Variants in PIP5K1C observed in about 807,000 individuals in gnomAD.
The protein encoded by PIP5K1C is phosphatidylinositol 4-phosphate 5-kinase type-1 gamma.
In PIP5K1C, 45 loss-of-function variants were observed where a neutral mutation model predicts 80.1. The observed-to-expected ratio is 0.56, with a 90% CI of 0.44 to 0.72. PIP5K1C has a LOEUF of 0.72. PIP5K1C is among the 30% of genes least tolerant of loss of function. PIP5K1C has a pLI of 0.00. For synonymous variants in PIP5K1C, 498 were observed against 420.1 expected, an observed-to-expected ratio of 1.19 and a Z score of -2.27; for missense variants, 753 against 954.6, an observed-to-expected ratio of 0.79 and a Z score of 2.78.
At chr19:3,662,697 C>A (rs1285550744) in intron 3 of PIP5K1C, among the ~76,000 whole-genome samples, 2 of 151,800 alleles carry the variant, frequency 1.3e-5, no homozygotes, top group Admixed American at 6.6e-5. Context: ...TCCTGAGTAG[C>A]TGGGATTATA....
At chr19:3,662,625 G>C (rs903690659) in intron 3 of PIP5K1C, among the ~76,000 whole-genome samples, 3 of 152,086 alleles carry the variant, frequency 2.0e-5, no homozygotes, top group African/African-American at 7.2e-5. Flanking sequence ...GAGTGCAGTG[G>C]CGCAATCTCA....
intron 11 of PIP5K1C, among the ~76,000 whole-genome samples, chr19:3,645,452 C>T (rs1377760088): frequency 6.6e-6 from 1 of 152,204 alleles, no homozygotes; most frequent in African/African-American, 2.4e-5. Context: ...TGGGGACCTC[C>T]CCCGGGCACC....
chr19:3,675,999 A>G (rs2035345147), intron 1 of PIP5K1C, among the ~76,000 whole-genome samples: 1 of 152,172 alleles, frequency 6.6e-6, no homozygotes, highest in Non-Finnish European at 1.5e-5. Flanking sequence ...TATCTGCACC[A>G]GGTGCCGACC....
intron 14 of PIP5K1C, 44 bp downstream of exon 14, chr19:3,642,863 G>A (rs767405997): frequency 5.8e-6 from 9 of 1,547,352 alleles, no homozygotes; most frequent in Middle Eastern, 1.7e-4. Flanking sequence ...AGCTGTGCAG[G>A]AGGAGCTGGT....
Position 3,637,032 on chromosome 19 carries a change from G to C in PIP5K1C, c.1920+1852C>G. On this transcript the variant is annotated intron_variant, in intron 16 of 17. Transcript: ENST00000335312. This position sits in a 1 kb window ranked among gnomAD's most constrained non-coding sequence, Gnocchi z 7.0. ...AGCCGAGGCCTCAGCGCCTCCATCT[G>C]TGAGGTGGGTGTGGAGAGACCATCT... 3 of 1,070,450 alleles carry C rather than the reference G, an allele frequency of 2.8e-6. No individual in the cohort carries two copies. Among genetic ancestry groups the C allele is most frequent in the Non-Finnish European group, 3.4e-6 (3 of 882,602 alleles). 66.3% of individuals were successfully genotyped at this position (1,070,450 alleles called of 1,614,324 possible).
intron 8 of PIP5K1C, among the ~76,000 whole-genome samples, chr19:3,651,257 T>G (rs112864459): frequency 1.3e-5 from 2 of 152,164 alleles, no homozygotes; most frequent in East Asian, 1.9e-4. Context: ...GGTCTTGCCA[T>G]GTTGCCCAGG....
At chr19:3,687,988 G>A (rs901568610) in intron 1 of PIP5K1C, among the ~76,000 whole-genome samples, 1 of 152,216 alleles carries the variant, frequency 6.6e-6, no homozygotes, top group Non-Finnish European at 1.5e-5. Flanking sequence ...GCTCCCGGGC[G>A]GGCCGGGGCA....
chr19:3,650,497 C>T (rs2034397405), intron 8 of PIP5K1C, among the ~76,000 whole-genome samples: 1 of 152,234 alleles, frequency 6.6e-6, no homozygotes, highest in Admixed American at 6.5e-5. Flanking sequence ...CTGGGGGGTG[C>T]TCCTGGCCCG....
Position 3,632,969 on chromosome 19 carries a change from C to A in PIP5K1C, c.*198G>T, listed in dbSNP as rs573538612. On this transcript the variant is annotated 3_prime_UTR_variant, in exon 18 of 18. Transcript: ENST00000335312. ...GGTGGGTCTCACAGGGGCAGGCTGC[C>A]GACCGGGGTGCCGGGGCCCTGGGAG... 1.1e-5 allele frequency: 6 copies of A among 531,484 alleles called. No homozygotes were observed. Among genetic ancestry groups the A allele is most frequent in the Admixed American group, 3.3e-5 (1 of 29,892 alleles). 32.9% of individuals were successfully genotyped at this position (531,484 alleles called of 1,614,324 possible).
At position 3,633,161 on chromosome 19, in the gene PIP5K1C, T is replaced by C. The variant is rs377327828; in HGVS notation, c.*6A>G. 44 of 767,132 alleles carry C rather than the reference T, an allele frequency of 5.7e-5. No homozygotes were observed. Among genetic ancestry groups the C allele is most frequent in the South Asian group, 3.3e-4 (24 of 72,488 alleles). The allele number at this position is 767,132 out of a possible 1,614,324, so 47.5% of individuals were successfully genotyped here. The stretch of plus-strand genomic sequence containing the variant: ...GCTCGGCTCTGGGTCGGGGGCTGCA[T>C]AGAAATTACTGCAAGAGCAAGAGGA... On this transcript the variant is annotated 3_prime_UTR_variant, in exon 18 of 18. Transcript: ENST00000335312.
chr19:3,678,839 T>TGGAGGGAG (rs2035498541), intron 1 of PIP5K1C, among the ~76,000 whole-genome samples: 1 of 20,402 alleles, frequency 4.9e-5, no homozygotes, highest in Admixed American at 5.8e-4. Context: ...GCAAGATGGA[T>TGGAGGGAG]GGAGGGAGGG....
chr19:3,668,594 ACT>A (rs1379135372), intron 1 of PIP5K1C, among the ~76,000 whole-genome samples: 5 of 152,018 alleles, frequency 3.3e-5, no homozygotes, highest in Admixed American at 3.3e-4. Flanking sequence ...CTGGGGCTGG[ACT>A]CCTGGCCTCG....
At chr19:3,684,060 G>A (rs2035677802) in intron 1 of PIP5K1C, among the ~76,000 whole-genome samples, 1 of 151,934 alleles carries the variant, frequency 6.6e-6, no homozygotes, top group Non-Finnish European at 1.5e-5. Flanking sequence ...AGGAGAGGCA[G>A]AGCAGATGCT....
chr19:3,657,635 G>C (rs1300508323), intron 5 of PIP5K1C, among the ~76,000 whole-genome samples: 1 of 152,088 alleles, frequency 6.6e-6, no homozygotes, highest in Non-Finnish European at 1.5e-5. Flanking sequence ...GAGCAGAAGC[G>C]AGGGGAGGCC....
rs763569400 is a variant in PIP5K1C at position 3,644,175 on chromosome 19, G to C, written c.1422C>G (p.Ala474=). The change falls in exon 12 of 18, where the codon GCC becomes GCG. Residue 474 remains alanine, a synonymous_variant. Coordinates refer to ENST00000335312, the MANE Select transcript of PIP5K1C (RefSeq NM_012398.3). ...CGCTAGGGATCTGGCTGGCCGAGAA[G>C]GCAGCGGTGGGCCCCAGCGGTTTCA... The part of the protein sequence containing the change: ...LAVKPLGPTA[A]FSASQIPSER... The C allele has an allele frequency of 1.2e-6, 2 of 1,612,252 alleles. No homozygotes were observed. Among genetic ancestry groups the C allele is most frequent in the African/African-American group, 2.7e-5 (2 of 74,936 alleles).
intron 6 of PIP5K1C, 61 bp downstream of exon 6, chr19:3,656,344 C>A (rs1055226312): frequency 1.0e-5 from 16 of 1,598,734 alleles, no homozygotes; most frequent in South Asian, 5.5e-5. Context: ...CATCTGCTCC[C>A]GCCAGCCGGG....
intron 15 of PIP5K1C, among the ~76,000 whole-genome samples, chr19:3,640,054 A>G (rs1001676395): frequency 6.6e-6 from 1 of 152,214 alleles, no homozygotes; most frequent in Non-Finnish European, 1.5e-5. Context: ...GGTGGAAGAT[A>G]AACCCCCAGG....
intron 1 of PIP5K1C, among the ~76,000 whole-genome samples, chr19:3,676,945 T>C (rs999013990): frequency 6.6e-6 from 1 of 151,422 alleles, no homozygotes; most frequent in Admixed American, 6.6e-5. Context: ...TACAAAAAAA[T>C]TTAAATATTA....
intron 6 of PIP5K1C, among the ~76,000 whole-genome samples, chr19:3,654,642 C>A (rs1353867510): frequency 2.0e-5 from 3 of 151,624 alleles, no homozygotes; most frequent in Non-Finnish European, 4.4e-5. Context: ...ATGGTGAAAC[C>A]CCGTCTCTAT....
Sources: allele counts gnomAD v4.1 joint callset (sites outside exome capture counted in the v4.1 genomes callset), GRCh38; gene constraint gnomAD v4.1.1; non-coding constraint Gnocchi (gnomAD v3.1); transcripts MANE v1.5; gene names NCBI Gene and HGNC (gene_info 2026-07-23, HGNC 2026-07-21).